Variants in RYR1 observed in about 807,000 individuals in gnomAD.
RYR1 encodes the protein central core disease of muscle.
A neutral mutation model predicts 583.5 loss-of-function variants in RYR1; 342 were observed. The ratio of observed to expected loss-of-function variants is 0.59; its 90% CI spans 0.54 to 0.64. The LOEUF (loss-of-function observed/expected upper bound fraction) is 0.64. RYR1 is among the 30% of genes least tolerant of loss of function. The pLI, the probability that RYR1 is intolerant of heterozygous loss-of-function variation, is 0.00. For synonymous variants in RYR1, 2,791 were observed against 2,822.5 expected (o/e 0.99, Z 0.35); for missense variants, 6,032 against 6,917.2 (o/e 0.87, Z 4.54).
At chr19:38,511,770 G>A (rs1229996715) in intron 61 of RYR1, among the ~76,000 whole-genome samples, 160 bp downstream of exon 61, 4 of 152,182 alleles carry the variant, frequency 2.6e-5, no homozygotes, top group Non-Finnish European at 5.9e-5. Context: ...GGCAGTGACT[G>A]AGATGCCCTG....
Position 38,496,520 on chromosome 19 carries a change from G to A in RYR1, c.6775G>A (p.Glu2259Lys), listed in dbSNP as rs754732015. Residue 2259 changes from glutamate (E) to lysine (K), a missense_variant, in exon 41 of 106, where the codon GAG (glutamate) becomes AAG (lysine). By Grantham distance (56) the Glu-to-Lys change is moderately conservative. Around this residue, in one of 11 missense-constraint regions of RYR1, gnomAD observed 2,627 missense variants for 2,961.3 expected, o/e 0.89. Coordinates refer to ENST00000359596, the MANE Select transcript of RYR1 (RefSeq NM_000540.3). This position sits in a 1 kb window ranked among gnomAD's most constrained non-coding sequence, Gnocchi z 4.8. ...GTTTGACCACCTGAGCTACCTGCTG[G>A]AGAACAGTGGCATCGGCCTGGGTGA... ...SMFDHLSYLL[E>K]NSGIGLGMQG... The A allele has an allele frequency of 2.5e-6, 4 of 1,613,500 alleles. No homozygotes were observed. The highest frequency in any genetic ancestry group is 2.2e-5 in the South Asian group (2 of 91,078).
rs970000046 is a variant in RYR1, at chr19:38,474,564, C to CTTTT, written c.4161-729_4161-726dup. Among the ~76,000 whole-genome samples the CTTTT allele has an allele frequency of 8.2e-4, 72 of 88,226 alleles. 5 individuals carry two copies. Among genetic ancestry groups the CTTTT allele is most frequent in the African/African-American group, 2.9e-3 (60 of 20,450 alleles). The allele number at this position is 88,226 out of a possible 152,430, so 57.9% of individuals were successfully genotyped here. On this transcript the variant is annotated intron_variant, in intron 28 of 105. Transcript: ENST00000359596. ...AGACATGAGCTACCACGCCCGGCTC[C>CTTTT]TTTTTTTTTTTTTTTTTTTTTTTTT...
intron 17 of RYR1, 85 bp from the exon 18 acceptor site, chr19:38,457,966 T>A: frequency 7.3e-7 from 1 of 1,378,908 alleles, no homozygotes; most frequent in East Asian, 2.3e-5. Flanking sequence ...TGTCTTTGGA[T>A]GTCTGTCTCT....
In RYR1 at chr19:38,483,271, T is replaced by G; in HGVS notation, c.4708-19T>G. On this transcript the variant is annotated intron_variant, in intron 32 of 105. Transcript: ENST00000359596. This position sits in a 1 kb window ranked among gnomAD's most constrained non-coding sequence, Gnocchi z 6.3. ...AGGGGGCTGGCCATCTTGACCCATG[T>G]GTGTCTCTCTGCCCTCAGAACATCA... 1 of 1,562,544 alleles carries G rather than the reference T, an allele frequency of 6.4e-7. No homozygotes were observed. Among genetic ancestry groups the G allele is most frequent in the Non-Finnish European group, 8.7e-7 (1 of 1,153,578 alleles).
chr19:38,581,312 G>T (rs1351446023), intron 101 of RYR1, among the ~76,000 whole-genome samples: 1 of 152,034 alleles, frequency 6.6e-6, no homozygotes, highest in Non-Finnish European at 1.5e-5. Flanking sequence ...CTCCTGACCT[G>T]GTGATCCGCC....
rs148426762 is a variant in RYR1 at position 38,499,748 on chromosome 19, G to A, written c.7141G>A (p.Glu2381Lys). Residue 2381 changes from glutamate to lysine, a missense_variant, in exon 44 of 106, where the codon GAA (glutamate) becomes AAA (lysine). This residue lies in a region of RYR1 where 2,627 missense variants were observed against 2,961.3 expected (regional missense o/e 0.89). Coordinates refer to ENST00000359596, the MANE Select transcript of RYR1 (RefSeq NM_000540.3). The surrounding 1 kb of genome is among the most constrained non-coding windows in gnomAD (Gnocchi z 7.3). ...TGGCTCAGGGCTGCTGGCTGCCATC[G>A]AAGAGGCCATCCGCATCTCCGAGGA... ...EGGSGLLAAI[E>K]EAIRISEDPA... The A allele has an allele frequency of 5.5e-5, 88 of 1,601,844 alleles. No homozygotes were observed. In the African/African-American group the frequency reaches 6.3e-4, roughly 11 times the overall value.
intron 28 of RYR1, among the ~76,000 whole-genome samples, chr19:38,474,548 C>T (rs145740326): frequency 0.024 from 3,428 of 144,112 alleles, 43 homozygotes; most frequent in Admixed American, 0.035. Flanking sequence ...TAGACATGAG[C>T]TACCACGCCC....
Position 38,517,466 on chromosome 19 carries a change from G to C in RYR1, c.9793G>C (p.Glu3265Gln), listed in dbSNP as rs1415595056. ...GLAESGARYT[E>Q]MPHVIEITLP... ...GGCCGAGTCAGGTGCCCGCTACACA[G>C]AGATGCCGCATGTCATCGAGATCAC... The change falls in exon 66 of 106, where the codon GAG becomes CAG. Residue 3265 changes from glutamate to glutamine, a missense_variant. By Grantham distance (29) the Glu-to-Gln change is conservative (BLOSUM62 2). Transcript: ENST00000359596. 1.2e-6 allele frequency: 2 copies of C among 1,613,984 alleles called. No individual in the cohort carries two copies. Among genetic ancestry groups the C allele is most frequent in the East Asian group, 2.2e-5 (1 of 44,888 alleles).
intron 23 of RYR1, 94 bp downstream of exon 23, chr19:38,464,816 G>A (rs893287819): frequency 8.8e-7 from 1 of 1,136,882 alleles, no homozygotes; most frequent in Non-Finnish European, 1.3e-6. Context: ...TTGTGGGGAG[G>A]CTGAGGTTAG....
chr19:38,584,997 G>A lies in RYR1; in HGVS notation c.14701G>A (p.Glu4901Lys), dbSNP rs764602570. ...CCGGGCTGGCGGAGGCATTGGGGACGAGATCGAGGACCCCGCGGGTGACGA... is the reference window on the plus strand; with the variant it reads ...CCGGGCTGGCGGAGGCATTGGGGACAAGATCGAGGACCCCGCGGGTGACGA... The part of the protein sequence containing the change: ...GVRAGGGIGD[E>K]IEDPAGDEYE... Residue 4901 changes from glutamate (E) to lysine (K), a missense_variant, in exon 102 of 106, where the codon GAG becomes AAG. Transcript: ENST00000359596. 1.1e-5 allele frequency: 18 copies of A among 1,613,930 alleles called. No homozygotes were observed. The highest frequency in any genetic ancestry group is 5.9e-6 in the Non-Finnish European group (7 of 1,180,022).
intron 96 of RYR1, among the ~76,000 whole-genome samples, chr19:38,574,615 G>A (rs1390714763): frequency 1.3e-5 from 2 of 151,908 alleles, no homozygotes; most frequent in African/African-American, 4.8e-5. Context: ...CTGAGTGACA[G>A]AGCAAGACCC....
rs778188725 is a variant in RYR1 at position 38,543,861 on chromosome 19, A to G, written c.11998A>G (p.Met4000Val). Reference protein sequence around the residue: ...GFLHVFAHMMMKLAQDSSQIE... With the variant: ...GFLHVFAHMMVKLAQDSSQIE... Reference sequence around the variant, plus strand: ...CCTGCACGTGTTCGCCCACATGATGATGAAGCTCGCTCAGGTTCGAGCCCC... The same window carrying G: ...CCTGCACGTGTTCGCCCACATGATGGTGAAGCTCGCTCAGGTTCGAGCCCC... The change falls in exon 87 of 106, where the codon ATG (methionine) becomes GTG (valine). Residue 4000 changes from methionine to valine, a missense_variant. Met to Val is a conservative substitution (Grantham distance 21). Coordinates refer to ENST00000359596, the MANE Select transcript of RYR1 (RefSeq NM_000540.3). This position sits in a 1 kb window ranked among gnomAD's most constrained non-coding sequence, Gnocchi z 4.4. 4 of 1,613,478 alleles carry G rather than the reference A, an allele frequency of 2.5e-6. No homozygotes were observed. The highest frequency in any genetic ancestry group is 1.1e-5 in the South Asian group (1 of 91,042).
rs1353879849 is a variant in RYR1 at position 38,537,767 on chromosome 19, G to GC, written c.11609-112dup. On this transcript the variant is annotated intron_variant, in intron 83 of 105. Transcript: ENST00000359596. Reference sequence around the variant, plus strand: ...TTTGGAGTGGCAGCTGCTCCTCCCAGCACCCCCATGCTTTGTGCATGCGTG... The same window carrying GC: ...TTTGGAGTGGCAGCTGCTCCTCCCAGCCACCCCCATGCTTTGTGCATGCGTG... 6 of 1,009,412 alleles carry GC rather than the reference G, an allele frequency of 5.9e-6. No individual in the cohort carries two copies. In the Admixed American group the frequency reaches 6.8e-5, roughly 11 times the overall value. 62.5% of individuals were successfully genotyped at this position (1,009,412 alleles called of 1,614,324 possible). A position where few individuals can be genotyped will look rare whatever the true frequency, so the allele number is the denominator to read the frequency against.
At position 38,455,390 on chromosome 19, in the gene RYR1, C is replaced by A; in HGVS notation, c.1576+20C>A. 1 of 1,614,104 alleles carries A rather than the reference C, an allele frequency of 6.2e-7. No individual in the cohort carries two copies. Among genetic ancestry groups the A allele is most frequent in the Non-Finnish European group, 8.5e-7 (1 of 1,180,012 alleles). ...TCCTAGGTAGGGGTCCCAGTCCTGA[C>A]TCCCCTGAGAACACCCCAGATCCCC... is the stretch of plus-strand genomic sequence containing the variant. On this transcript the variant is annotated intron_variant, in intron 14 of 105. Transcript: ENST00000359596.
chr19:38,551,025 C>CTTCTTTTTTTT (rs1972642152), intron 89 of RYR1, among the ~76,000 whole-genome samples: 1 of 41,314 alleles, frequency 2.4e-5, no homozygotes, highest in African/African-American at 8.5e-5. Context: ...GGATTCACGG[C>CTTCTTTTTTTT]TTTTTTTTTT....
chr19:38,514,655 T>G (rs1970876048), intron 63 of RYR1, among the ~76,000 whole-genome samples: 2 of 152,084 alleles, frequency 1.3e-5, no homozygotes, highest in Non-Finnish European at 2.9e-5. Flanking sequence ...TGTTTGCATT[T>G]TTCTGGAGGA....
chr19:38,522,986 G>T, intron 67 of RYR1, 42 bp from the exon 68 acceptor site: 2 of 1,506,454 alleles, frequency 1.3e-6, no homozygotes, highest in Non-Finnish European at 1.8e-6. Flanking sequence ...CCCTTCCCTG[G>T]GATCCCCACC....
intron 31 of RYR1, among the ~76,000 whole-genome samples, chr19:38,480,145 TG>T (rs1443794195): frequency 2.6e-5 from 4 of 152,098 alleles, no homozygotes; most frequent in African/African-American, 7.2e-5. Context: ...TCATCTTTTT[TG>T]TCTGTTTGTT....
intron 93 of RYR1, among the ~76,000 whole-genome samples, chr19:38,568,166 T>C (rs1371998181): frequency 2.6e-5 from 4 of 152,172 alleles, no homozygotes; most frequent in African/African-American, 7.2e-5. Flanking sequence ...CCTCTGTTCA[T>C]CGGGGCCACC....
Sources: gnomAD v4.1 joint callset for allele counts (sites outside exome capture counted in the v4.1 genomes callset) on GRCh38, gnomAD v4.1.1 for gene constraint, gnomAD v4.1.1 regional missense constraint, Gnocchi (gnomAD v3.1) non-coding constraint, MANE v1.5 for transcripts, NCBI Gene and HGNC (gene_info 2026-07-23, HGNC 2026-07-21) for gene names.